Variants in AGPAT2 observed in about 807,000 individuals in gnomAD.
AGPAT2 encodes the protein 1-acyl-sn-glycerol-3-phosphate acyltransferase beta.
AGPAT2 carries 18 observed loss-of-function variants against 26.1 expected under a neutral mutation model. The observed-to-expected ratio is 0.69, with a 90% CI of 0.48 to 1.02. AGPAT2 has a LOEUF of 1.02. AGPAT2 is among the 50% of genes least tolerant of loss of function. The pLI, the probability that AGPAT2 is intolerant of heterozygous loss-of-function variation, is 0.00. For synonymous variants in AGPAT2, 200 were observed against 174.2 expected (o/e 1.15, Z -1.16); for missense variants, 415 against 394.9 (o/e 1.05, Z -0.43).
intron 1 of AGPAT2, among the ~76,000 whole-genome samples, chr9:136,686,013 T>C (rs1201074441): frequency 2.0e-5 from 3 of 152,236 alleles, no homozygotes; most frequent in Non-Finnish European, 2.9e-5. Flanking sequence ...CTGGCCCACA[T>C]CACCACTGGT....
At chr9:136,686,335 A>T (rs1305871730) in intron 1 of AGPAT2, among the ~76,000 whole-genome samples, 1 of 152,210 alleles carries the variant, frequency 6.6e-6, no homozygotes, top group Non-Finnish European at 1.5e-5. Context: ...AAATGTAGCA[A>T]CAGCCTGGGG....
At chr9:136,675,818 C>A (rs1013389148) in intron 4 of AGPAT2, among the ~76,000 whole-genome samples, 1 of 152,126 alleles carries the variant, frequency 6.6e-6, no homozygotes, top group Non-Finnish European at 1.5e-5. Context: ...CCAGCGCCTC[C>A]GGGGCTCCCC....
Position 136,673,565 on chromosome 9 carries a change from T to C in AGPAT2, c.*187A>G. ...CCGGGGAGGGTCCAGCTGAGCCCCC[T>C]GCAGGGGACACCAGGGGCCTGTGTC... On this transcript the variant is annotated 3_prime_UTR_variant, in exon 6 of 6. Transcript: ENST00000371696. 1 of 612,926 alleles carries C rather than the reference T, an allele frequency of 1.6e-6. No individual in the cohort carries two copies. Among genetic ancestry groups the C allele is most frequent in the Non-Finnish European group, 2.6e-6 (1 of 391,982 alleles). 38.0% of individuals were successfully genotyped at this position (612,926 alleles called of 1,614,324 possible).
At chr9:136,677,208 C>T (rs2119185818) in intron 2 of AGPAT2, 72 bp from the exon 3 acceptor site, 1 of 1,570,542 alleles carries the variant, frequency 6.4e-7, no homozygotes, top group East Asian at 2.3e-5. Context: ...TGCTGAGCAC[C>T]CACAGGCCTG....
chr9:136,685,987 C>T (rs1227391888), intron 1 of AGPAT2, among the ~76,000 whole-genome samples: 2 of 152,248 alleles, frequency 1.3e-5, no homozygotes, highest in African/African-American at 4.8e-5. Context: ...CTCCCCGGGA[C>T]CCCGGCCTGG....
In AGPAT2 at chr9:136,674,720, C is replaced by A; in HGVS notation, c.661+15G>T. The A allele has an allele frequency of 6.9e-7, 1 of 1,449,186 alleles. No individual in the cohort carries two copies. Among genetic ancestry groups the A allele is most frequent in the South Asian group, 1.5e-5 (1 of 66,052 alleles). 89.8% of individuals were successfully genotyped at this position (1,449,186 alleles called of 1,614,324 possible). ...AGGCGGGGCCTACACCCCGGGTGCA[C>A]ACATGTGGGGGTACCTGAAGTGAAG... On this transcript the variant is annotated intron_variant, in intron 5 of 5. Transcript: ENST00000371696.
intron 1 of AGPAT2, among the ~76,000 whole-genome samples, chr9:136,685,203 C>G (rs2385892): frequency 0.71 from 108,269 of 152,212 alleles, 39,835 homozygotes; most frequent in East Asian, 0.87. Flanking sequence ...GTCCCGGAAG[C>G]CACTACTCCA....
At position 136,676,304 on chromosome 9, in the gene AGPAT2, C is replaced by A. The variant is rs113382841; in HGVS notation, c.588+281G>T. Among the ~76,000 whole-genome samples the A allele has an allele frequency of 5.8e-4, 88 of 152,358 alleles. 1 individual carries two copies. The highest frequency in any genetic ancestry group is 2.0e-3 in the African/African-American group (85 of 41,582). ...GAGGCGAGCGGCCCGGCTCCCCACC[C>A]CTCTACCTGCCCAGCCTCGCAGGCC... On this transcript the variant is annotated intron_variant, in intron 4 of 5. Transcript: ENST00000371696.
Position 136,681,953 on chromosome 9 carries a change from C to T in AGPAT2, c.183-4397G>A, listed in dbSNP as rs187371181. Reference sequence around the variant, plus strand: ...CCTGCACCTCCTGTGTGCAAAGCCTCGAGACAAGGGCTCTACATGAGTCAC... The same window carrying T: ...CCTGCACCTCCTGTGTGCAAAGCCTTGAGACAAGGGCTCTACATGAGTCAC... On this transcript the variant is annotated intron_variant, in intron 1 of 5. Transcript: ENST00000371696. 5.2e-4 allele frequency among the ~76,000 whole-genome samples: 79 copies of T among 152,228 alleles called. 1 individual carries two copies. In the East Asian group the frequency reaches 7.2e-3, roughly 14 times the overall value.
At chr9:136,676,738 C>A in intron 3 of AGPAT2, 58 bp from the exon 4 acceptor site, 1 of 1,503,626 alleles carries the variant, frequency 6.7e-7, no homozygotes, top group Non-Finnish European at 9.2e-7. Context: ...AGAAAGGCCA[C>A]GCCGCCTCGC....
intron 4 of AGPAT2, 151 bp downstream of exon 4, chr9:136,676,434 G>T: frequency 1.6e-6 from 1 of 641,466 alleles, no homozygotes; most frequent in Non-Finnish European, 2.8e-6. Context: ...AGTGCAGGAA[G>T]GGGCAAGGAG....
chr9:136,685,976 G>A (rs972276301), intron 1 of AGPAT2, among the ~76,000 whole-genome samples: 25 of 152,218 alleles, frequency 1.6e-4, no homozygotes, highest in Admixed American at 1.6e-3. Context: ...TGGAGTGTGC[G>A]CTCCCCGGGA....
chr9:136,674,801 T>C lies in AGPAT2; in HGVS notation c.595A>G (p.Ile199Val). 3 of 1,547,504 alleles carry C rather than the reference T, an allele frequency of 1.9e-6. No individual in the cohort carries two copies. The highest frequency in any genetic ancestry group is 3.9e-5 in the Admixed American group (2 of 51,788). ...FYLAVQAQVP[I>V]VPVVYSSFSS... The stretch of plus-strand genomic sequence containing the variant: ...AAGGAAGAGTACACCACGGGGACGA[T>C]GGGCACCTGCAGGCAGGGAGACGCA... The change falls in exon 5 of 6, where the codon ATC becomes GTC. Residue 199 changes from isoleucine to valine, a missense_variant. Ile to Val is a conservative substitution (Grantham distance 29). Coordinates refer to ENST00000371696, the MANE Select transcript of AGPAT2 (RefSeq NM_006412.4).
At chr9:136,683,436 A>G (rs1846186491) in intron 1 of AGPAT2, among the ~76,000 whole-genome samples, 1 of 152,168 alleles carries the variant, frequency 6.6e-6, no homozygotes, top group Non-Finnish European at 1.5e-5. Flanking sequence ...TCTCTGAGCC[A>G]GGACTTGCCC....
In AGPAT2 at chr9:136,674,764, TAGA is replaced by T; in HGVS notation, c.629_631del (p.Phe210del). The T allele has an allele frequency of 2.0e-6, 3 of 1,526,630 alleles. No homozygotes were observed. The highest frequency in any genetic ancestry group is 2.6e-6 in the Non-Finnish European group (3 of 1,135,216). The allele number at this position is 1,526,630 out of a possible 1,614,324, so 94.6% of individuals were successfully genotyped here. A position where few individuals can be genotyped will look rare whatever the true frequency, so the allele number is the denominator to read the frequency against. ...AGTGAAGAACTTCTTCTTGGTGTTG[TAGA>T]AGGAGGAGAAGGAAGAGTACACCAC... is the stretch of plus-strand genomic sequence containing the variant. On this transcript the variant is annotated inframe_deletion, in exon 5 of 6. Coordinates refer to ENST00000371696, the MANE Select transcript of AGPAT2 (RefSeq NM_006412.4).
chr9:136,678,085 C>T (rs766375607), intron 1 of AGPAT2, among the ~76,000 whole-genome samples: 11 of 152,186 alleles, frequency 7.2e-5, no homozygotes, highest in Non-Finnish European at 1.3e-4. Flanking sequence ...AAAGGTTCTT[C>T]CAGAAAAGAG....
chr9:136,673,653 C>G lies in AGPAT2; in HGVS notation c.*99G>C, dbSNP rs1270683614. ...CTGAGTGAGAGCTGGGGGAGCCGGA[C>G]AGAGTGGTATTTGGAAGCCGGGAGG... On this transcript the variant is annotated 3_prime_UTR_variant, in exon 6 of 6. Transcript: ENST00000371696. The G allele has an allele frequency of 4.6e-6, 6 of 1,310,878 alleles. No individual in the cohort carries two copies. Among genetic ancestry groups the G allele is most frequent in the Middle Eastern group, 2.7e-4 (1 of 3,690 alleles). 81.2% of individuals were successfully genotyped at this position (1,310,878 alleles called of 1,614,324 possible).
intron 1 of AGPAT2, among the ~76,000 whole-genome samples, chr9:136,681,118 T>C (rs74409571): frequency 6.7e-6 from 1 of 150,342 alleles, no homozygotes; most frequent in South Asian, 2.1e-4. Flanking sequence ...TTTTTTTTTT[T>C]AATCTAAGCT....
In AGPAT2 at chr9:136,676,612, G is replaced by T. The variant is rs756686507; in HGVS notation, c.561C>A (p.Gly187=). 1 of 1,613,310 alleles carries T rather than the reference G, an allele frequency of 6.2e-7. No homozygotes were observed. The highest frequency in any genetic ancestry group is 8.5e-7 in the Non-Finnish European group (1 of 1,179,894). ...GTGCCTGGACTGCCAGGTAGAAGGC[G>T]CCCTTCTTAAAAGGCAGCAGGTCCC... ...DNGDLLPFKK[G]AFYLAVQAQV... The change falls in exon 4 of 6, where the codon GGC becomes GGA. Residue 187 remains glycine, a synonymous_variant. Coordinates refer to ENST00000371696, the MANE Select transcript of AGPAT2 (RefSeq NM_006412.4).
Sources: allele counts gnomAD v4.1 joint callset (sites outside exome capture counted in the v4.1 genomes callset), GRCh38; gene constraint gnomAD v4.1.1; transcripts MANE v1.5; gene names NCBI Gene and HGNC (gene_info 2026-07-23, HGNC 2026-07-21).